Variants in TATDN1 observed in about 807,000 individuals in gnomAD.
TATDN1 encodes TatD DNase domain containing 1.
Under a neutral mutation model 46.4 loss-of-function variants are expected in TATDN1, and 40 were observed. The observed-to-expected ratio is 0.86, with a 90% CI of 0.67 to 1.12. The LOEUF is 1.12. TATDN1 is among the 50% of genes most tolerant of loss of function. TATDN1 has a pLI of 0.00. For missense variants in TATDN1, 326 were observed against 348.4 expected (o/e 0.94, Z 0.51); for synonymous variants, 95 against 105.6 (o/e 0.90, Z 0.62).
chr8:124,521,367 A>C (rs1820029980), intron 3 of TATDN1, among the ~76,000 whole-genome samples: 1 of 152,192 alleles, frequency 6.6e-6, no homozygotes, highest in Admixed American at 6.5e-5. Context: ...AACACATGAA[A>C]ATTTAGGAGC....
chr8:124,527,825 T>C (rs184341902), intron 1 of TATDN1, among the ~76,000 whole-genome samples: 7 of 151,126 alleles, frequency 4.6e-5, no homozygotes, highest in East Asian at 3.9e-4. Flanking sequence ...CGATAGCCAA[T>C]TGGACATCCT....
chr8:124,528,932 G>A (rs375976300), intron 1 of TATDN1, among the ~76,000 whole-genome samples: 12 of 152,314 alleles, frequency 7.9e-5, no homozygotes, highest in South Asian at 2.1e-4. Context: ...CAAAGGTCAC[G>A]AGAAGCCTGA....
chr8:124,493,964 T>A lies in TATDN1; in HGVS notation c.665-5A>T, dbSNP rs1191491270. ...TGACTCCACACCAAGGTGCATCTAG[T>A]TAAGCAAAGAAAGTGTCTCGTAAGG... On this transcript the variant is annotated splice_polypyrimidine_tract_variant and splice_region_variant and intron_variant, in intron 10 of 11. Transcript: ENST00000276692. 1.9e-6 allele frequency: 3 copies of A among 1,601,488 alleles called. No homozygotes were observed. Among genetic ancestry groups the A allele is most frequent in the Non-Finnish European group, 2.5e-6 (3 of 1,176,532 alleles).
At chr8:124,488,963 TTA>T (rs1375388526) in intron 11 of TATDN1, 3 of 378,570 alleles carry the variant, frequency 7.9e-6, no homozygotes, top group African/African-American at 6.4e-5. Flanking sequence ...TGTTCACCAA[TTA>T]TAGCATTAAC....
intron 9 of TATDN1, among the ~76,000 whole-genome samples, chr8:124,502,037 T>G (rs1818008434): frequency 6.6e-6 from 1 of 152,058 alleles, no homozygotes; most frequent in East Asian, 1.9e-4. Flanking sequence ...AAGAGAACTA[T>G]CCATTGAAAG....
chr8:124,521,995 G>T, intron 3 of TATDN1, 156 bp downstream of exon 3: 1 of 552,296 alleles, frequency 1.8e-6, no homozygotes, highest in East Asian at 3.2e-5. Context: ...AGAGTATTTT[G>T]ATATTTTGTT....
intron 11 of TATDN1, among the ~76,000 whole-genome samples, chr8:124,491,975 C>CTT (rs374261084): frequency 0.011 from 1,515 of 136,514 alleles, 21 homozygotes; most frequent in South Asian, 0.047. Flanking sequence ...CTTCACAGTT[C>CTT]TTTTTTTTTT....
At chr8:124,492,110 C>G (rs1431508456) in intron 11 of TATDN1, among the ~76,000 whole-genome samples, 1 of 151,940 alleles carries the variant, frequency 6.6e-6, no homozygotes, top group Non-Finnish European at 1.5e-5. Context: ...GAGTAGCTGG[C>G]ATTACGGGCA....
At chr8:124,495,672 G>A in intron 9 of TATDN1, 130 bp from the exon 10 acceptor site, 1 of 658,626 alleles carries the variant, frequency 1.5e-6, no homozygotes, top group Non-Finnish European at 2.5e-6. Context: ...GTATACTTTG[G>A]AAAGTATTTG....
intron 9 of TATDN1, 90 bp downstream of exon 9, chr8:124,504,181 A>T: frequency 1.0e-6 from 1 of 978,836 alleles, no homozygotes; most frequent in Non-Finnish European, 1.5e-6. Context: ...AACTTTAATG[A>T]AAATAAATCT....
At position 124,512,327 on chromosome 8, in the gene TATDN1, A is replaced by C. The variant is rs537987067; in HGVS notation, c.389+3419T>G. Among the ~76,000 whole-genome samples, 146 of 152,306 alleles carry C rather than the reference A, an allele frequency of 9.6e-4. 1 individual carries two copies. The South Asian group carries it at 0.013, about 14-fold the overall frequency. On this transcript the variant is annotated intron_variant, in intron 6 of 11. Coordinates refer to ENST00000276692, the MANE Select transcript of TATDN1 (RefSeq NM_032026.4). ...GTAATCCCAGCTACTTGGGAGGCTG[A>C]GGCAGGAGAATTGCTTGAACCTGGG...
chr8:124,514,013 C>G (rs1819247323), intron 6 of TATDN1, among the ~76,000 whole-genome samples: 1 of 152,210 alleles, frequency 6.6e-6, no homozygotes, highest in Non-Finnish European at 1.5e-5. Flanking sequence ...CTGAAAGGCA[C>G]AGCAAATCAG....
At chr8:124,509,444 T>C (rs1818815088) in intron 6 of TATDN1, among the ~76,000 whole-genome samples, 1 of 152,172 alleles carries the variant, frequency 6.6e-6, no homozygotes, top group African/African-American at 2.4e-5. Context: ...ATAATGACAA[T>C]ATTCAGAGGA....
chr8:124,530,022 C>G (rs1026377069), intron 1 of TATDN1, among the ~76,000 whole-genome samples: 1 of 151,820 alleles, frequency 6.6e-6, no homozygotes, highest in Non-Finnish European at 1.5e-5. Context: ...ACCCGGGAGG[C>G]GGAGGTTATA....
intron 8 of TATDN1, 50 bp from the exon 9 acceptor site, chr8:124,504,397 A>G: frequency 7.6e-7 from 1 of 1,316,086 alleles, no homozygotes; most frequent in Non-Finnish European, 1.0e-6. Flanking sequence ...ACTCTTTAAA[A>G]TTCTAAGTGA....
chr8:124,523,211 G>C, intron 1 of TATDN1: 1 of 549,698 alleles, frequency 1.8e-6, no homozygotes, highest in Non-Finnish European at 3.2e-6. Flanking sequence ...ACTCACCGCA[G>C]AACTGGTAAG....
intron 6 of TATDN1, 62 bp from the exon 7 acceptor site, chr8:124,508,750 T>C (rs1434811457): frequency 1.9e-6 from 2 of 1,080,746 alleles, no homozygotes. Flanking sequence ...AGGAAGGTAA[T>C]GATGTCAAAA....
chr8:124,497,809 C>CT (rs1384124112), intron 9 of TATDN1, among the ~76,000 whole-genome samples: 2 of 152,162 alleles, frequency 1.3e-5, no homozygotes, highest in African/African-American at 4.8e-5. Context: ...CAGCCCTTTA[C>CT]TTATTAGAGT....
At chr8:124,494,041 A>T in intron 10 of TATDN1, 82 bp from the exon 11 acceptor site, 1 of 1,333,302 alleles carries the variant, frequency 7.5e-7, no homozygotes. Context: ...TATAACCTCT[A>T]AATGATAAAC....
Sources: gnomAD v4.1 joint callset for allele counts (sites outside exome capture counted in the v4.1 genomes callset) on GRCh38, gnomAD v4.1.1 for gene constraint, MANE v1.5 for transcripts, NCBI Gene and HGNC (gene_info 2026-07-23, HGNC 2026-07-21) for gene names.